The following ROPN1L variants were observed in gnomAD, a reference collection of about 807,000 sequenced individuals.
The protein encoded by ROPN1L is rhophilin associated tail protein 1 like, also known as ropporin-1-like protein.
Under a neutral mutation model 22.7 loss-of-function variants are expected in ROPN1L, and 23 were observed. The ratio of observed to expected loss-of-function variants is 1.01; its 90% CI spans 0.73 to 1.43. ROPN1L has a LOEUF of 1.43. Ranked by LOEUF, ROPN1L falls within the 40% of genes most tolerant of loss-of-function variation. The probability of loss-of-function intolerance (pLI) is 0.00; values close to 1 mark genes in which losing one functional copy is unlikely to be tolerated. For synonymous variants in ROPN1L, 116 were observed against 117.8 expected (o/e 0.98, Z 0.10); for missense variants, 271 against 291.5 (o/e 0.93, Z 0.51).
At chr5:10,444,359 C>T (rs958492782) in intron 1 of ROPN1L, among the ~76,000 whole-genome samples, 10 of 152,038 alleles carry the variant, frequency 6.6e-5, no homozygotes, top group Admixed American at 2.0e-4. Context: ...GGCGAGATCT[C>T]GGCTCACGGC....
intron 2 of ROPN1L, among the ~76,000 whole-genome samples, chr5:10,449,687 A>G (rs1272024565): frequency 2.0e-5 from 3 of 152,202 alleles, no homozygotes; most frequent in South Asian, 2.1e-4. Flanking sequence ...CGTATACTCA[A>G]TATCAGTATG....
At chr5:10,477,745 C>T in the ROPN1L span, among the ~76,000 whole-genome samples, 6 of 152,086 alleles carry the variant, frequency 3.9e-5, no homozygotes, top group Non-Finnish European at 7.4e-5. Flanking sequence ...GCCTGGGCAA[C>T]ATGGTGAAAT....
chr5:10,452,584 C>T (rs1043418908), intron 3 of ROPN1L, among the ~76,000 whole-genome samples: 3 of 151,770 alleles, frequency 2.0e-5, no homozygotes, highest in Non-Finnish European at 4.4e-5. Flanking sequence ...GTGATCTGCC[C>T]GCCTCGGCCT....
At chr5:10,451,278 C>T (rs1363390898) in intron 3 of ROPN1L, among the ~76,000 whole-genome samples, 2 of 152,174 alleles carry the variant, frequency 1.3e-5, no homozygotes, top group East Asian at 1.9e-4. Flanking sequence ...GGTAAACACC[C>T]GCAAGGCTAC....
At chr5:10,464,402 G>A (rs950095954) in intron 4 of ROPN1L, among the ~76,000 whole-genome samples, 3 of 152,252 alleles carry the variant, frequency 2.0e-5, no homozygotes, top group Non-Finnish European at 4.4e-5. Flanking sequence ...TCCGGGTCAT[G>A]CTGGGCCCCT....
chr5:10,473,534 G>A (rs148556544), downstream of ROPN1L, among the ~76,000 whole-genome samples: 12 of 152,228 alleles, frequency 7.9e-5, no homozygotes, highest in African/African-American at 2.4e-4. Flanking sequence ...TTGGACTTAC[G>A]GTCCCCAGAA....
intron 2 of ROPN1L, among the ~76,000 whole-genome samples, chr5:10,448,885 C>T (rs1046472075): frequency 6.6e-6 from 1 of 152,330 alleles, no homozygotes; most frequent in African/African-American, 2.4e-5. Context: ...CCTTGCGCTT[C>T]TTTGCCCCAC....
At chr5:10,457,421 C>T (rs1734853656) in intron 3 of ROPN1L, among the ~76,000 whole-genome samples, 1 of 152,232 alleles carries the variant, frequency 6.6e-6, no homozygotes, top group Admixed American at 6.5e-5. Flanking sequence ...CAGAGCCCGC[C>T]TGGCGGCTGC....
intron 4 of ROPN1L, among the ~76,000 whole-genome samples, chr5:10,463,911 C>A (rs1735099023): frequency 6.6e-6 from 1 of 152,188 alleles, no homozygotes; most frequent in Admixed American, 6.5e-5. Flanking sequence ...TGAGAAGCCC[C>A]CTGGCCTGTC....
At chr5:10,458,873 CCGTGTACACCATCCCCT>C (rs1213129156) in intron 3 of ROPN1L, among the ~76,000 whole-genome samples, 36 of 53,834 alleles carry the variant, frequency 6.7e-4, no homozygotes, top group South Asian at 4.0e-3. Flanking sequence ...CACCATCCCC[CCGTGTACACCATCCCCT>C]CGTGTACACC....
downstream of ROPN1L, among the ~76,000 whole-genome samples, chr5:10,465,532 A>C (rs6865851): frequency 9.3e-5 from 14 of 150,464 alleles, no homozygotes; most frequent in South Asian, 2.7e-3. Context: ...AACAAAAACA[A>C]AAACACAAAC....
downstream of ROPN1L, among the ~76,000 whole-genome samples, chr5:10,465,685 C>A (rs1735141681): frequency 6.6e-6 from 1 of 151,464 alleles, no homozygotes; most frequent in South Asian, 2.1e-4. Context: ...CCCGTCTCTA[C>A]TAGAAATAAT....
Position 10,448,275 on chromosome 5 carries a change from G to A in ROPN1L, c.147G>A (p.Leu49=), listed in dbSNP as rs755003355. 1 of 1,614,056 alleles carries A rather than the reference G, an allele frequency of 6.2e-7. No individual in the cohort carries two copies. Among genetic ancestry groups the A allele is most frequent in the Non-Finnish European group, 8.5e-7 (1 of 1,180,038 alleles). ...LRWSAGYFSA[L]SRGDPLPVKD... Reference sequence around the variant, plus strand: ...TATTTATTAGCTATTTTTCAGCTCTGTCGAGAGGAGATCCACTTCCTGTAA... The same window carrying A: ...TATTTATTAGCTATTTTTCAGCTCTATCGAGAGGAGATCCACTTCCTGTAA... Residue 49 remains leucine, a synonymous_variant, in exon 2 of 5, where the codon CTG becomes CTA. Transcript: ENST00000274134.
chr5:10,457,061 G>C (rs1024996077), intron 3 of ROPN1L, among the ~76,000 whole-genome samples: 1 of 152,200 alleles, frequency 6.6e-6, no homozygotes, highest in Non-Finnish European at 1.5e-5. Context: ...TGAAATACAC[G>C]ACTCGGCTTT....
Position 10,450,092 on chromosome 5 carries a change from T to G in ROPN1L, c.396T>G (p.Leu132=). 6.2e-7 allele frequency: 1 copy of G among 1,613,670 alleles called. No individual in the cohort carries two copies. Among genetic ancestry groups the G allele is most frequent in the Non-Finnish European group, 8.5e-7 (1 of 1,179,882 alleles). The change falls in exon 3 of 5, where the codon CTT becomes CTG. Residue 132 remains leucine (L), a synonymous_variant. Transcript: ENST00000274134. ...NKIKWINFLA[L]GCSMLGGSLN... Reference sequence around the variant, plus strand: ...TCAAGTGGATAAACTTTTTAGCGCTTGGATGCAGCATGCTTGGTGGGGTAT... The same window carrying G: ...TCAAGTGGATAAACTTTTTAGCGCTGGGATGCAGCATGCTTGGTGGGGTAT...
At chr5:10,455,652 C>T (rs1741394118) in intron 3 of ROPN1L, among the ~76,000 whole-genome samples, 1 of 152,256 alleles carries the variant, frequency 6.6e-6, no homozygotes, top group South Asian at 2.1e-4. Context: ...GGGTGAACTG[C>T]TCCTTCCCAT....
In ROPN1L at chr5:10,461,377, C is replaced by G; in HGVS notation, c.593+18C>G. The G allele has an allele frequency of 1.9e-6, 3 of 1,606,042 alleles. No individual in the cohort carries two copies. The South Asian group carries it at 3.3e-5, about 18-fold the overall frequency. On this transcript the variant is annotated intron_variant, in intron 4 of 4. Coordinates refer to ENST00000274134, the MANE Select transcript of ROPN1L (RefSeq NM_031916.5). ...GAAAATATGTAAGTATGCACCCTCTCTAGGATTCAGGTATGTTGACCATGG... is the reference window on the plus strand; with the variant it reads ...GAAAATATGTAAGTATGCACCCTCTGTAGGATTCAGGTATGTTGACCATGG...
the ROPN1L span, among the ~76,000 whole-genome samples, chr5:10,480,595 G>A: frequency 6.6e-6 from 1 of 152,136 alleles, no homozygotes; most frequent in African/African-American, 2.4e-5. Flanking sequence ...CCATCCTCCA[G>A]GCATGCCAGC....
intron 3 of ROPN1L, among the ~76,000 whole-genome samples, chr5:10,455,794 A>C (rs1741401306): frequency 6.6e-6 from 1 of 150,888 alleles, no homozygotes; most frequent in African/African-American, 2.4e-5. Context: ...GAGGCTTTTA[A>C]AAACCAGTGC....
Sources: allele counts gnomAD v4.1 joint callset (sites outside exome capture counted in the v4.1 genomes callset), GRCh38; gene constraint gnomAD v4.1.1; transcripts MANE v1.5; gene names NCBI Gene and HGNC (gene_info 2026-07-23, HGNC 2026-07-21).